Variants in KALRN observed in about 807,000 individuals in gnomAD.
The protein encoded by KALRN is kalirin RhoGEF kinase.
Under a neutral mutation model 353.7 loss-of-function variants are expected in KALRN, and 70 were observed. That is an observed-to-expected ratio of 0.20 (90% CI 0.16 to 0.24). The LOEUF (loss-of-function observed/expected upper bound fraction) is 0.24, where lower values mean the gene tolerates loss of function less well. Ranked by LOEUF, KALRN falls within the 10% of genes least tolerant of loss-of-function variation. The pLI, the probability that KALRN is intolerant of heterozygous loss-of-function variation, is 1.00. For missense variants in KALRN, 2,791 were observed against 3,756.7 expected (o/e 0.74, Z 6.72); for synonymous variants, 1,391 against 1,434.8 (o/e 0.97, Z 0.69).
chr3:124,723,161 G>A lies in KALRN; in HGVS notation c.*3691G>A, dbSNP rs1234162992. 6.6e-6 allele frequency: 1 copy of A among 152,182 alleles called. No homozygotes were observed. Among genetic ancestry groups the A allele is most frequent in the Non-Finnish European group, 1.5e-5 (1 of 68,028 alleles). The allele number at this position is 152,182 out of a possible 1,614,324, so 9.4% of individuals were successfully genotyped here. A position where few individuals can be genotyped will look rare whatever the true frequency, so the allele number is the denominator to read the frequency against. On this transcript the variant is annotated 3_prime_UTR_variant, in exon 60 of 60. Transcript: ENST00000682506. ...GCTTCACTGCTTTGTGGTCCACAAAGCCTTTATAAATAGTAGTGCCTTTCA... is the reference window on the plus strand; with the variant it reads ...GCTTCACTGCTTTGTGGTCCACAAAACCTTTATAAATAGTAGTGCCTTTCA...
chr3:124,427,798 G>A (rs1054127464), intron 15 of KALRN, among the ~76,000 whole-genome samples: 2 of 152,232 alleles, frequency 1.3e-5, no homozygotes, highest in Non-Finnish European at 2.9e-5. Context: ...AGTTTTGAAA[G>A]TAGTGTGGAA....
chr3:124,334,361 G>A lies in KALRN; in HGVS notation c.1513G>A (p.Ala505Thr). ...SLTATANYSK[A>T]VHQVLDVVHE... is the part of the protein sequence containing the mutation. Reference sequence around the variant, plus strand: ...CACGGCCACAGCCAACTACTCCAAGGCAGTGCACCAGGTGCTGGACGTGGT... The same window carrying A: ...CACGGCCACAGCCAACTACTCCAAGACAGTGCACCAGGTGCTGGACGTGGT... The change falls in exon 9 of 60, where the codon GCA becomes ACA. Residue 505 changes from alanine to threonine, a missense_variant. Physicochemically the swap from Ala to Thr is moderately conservative, Grantham distance 58. Coordinates refer to ENST00000682506, the MANE Select transcript of KALRN (RefSeq NM_001388419.1). This position sits in a 1 kb window ranked among gnomAD's most constrained non-coding sequence, Gnocchi z 4.2. The A allele has an allele frequency of 1.9e-6, 3 of 1,614,248 alleles. No individual in the cohort carries two copies. Among genetic ancestry groups the A allele is most frequent in the Non-Finnish European group, 2.5e-6 (3 of 1,180,034 alleles).
intron 5 of KALRN, among the ~76,000 whole-genome samples, chr3:124,287,716 A>C (rs2076037091): frequency 7.9e-6 from 1 of 126,378 alleles, no homozygotes; most frequent in Non-Finnish European, 1.7e-5. Flanking sequence ...AAGTATATTG[A>C]GGTTACCTGG....
At chr3:124,132,590 G>A (rs570140984) in intron 1 of KALRN, among the ~76,000 whole-genome samples, 6 of 152,270 alleles carry the variant, frequency 3.9e-5, no homozygotes, top group African/African-American at 1.4e-4. Context: ...TTTTACACAC[G>A]GCAGGACTTG....
chr3:124,415,080 G>A (rs148074535), intron 14 of KALRN, among the ~76,000 whole-genome samples: 416 of 152,364 alleles, frequency 2.7e-3, no homozygotes, highest in Non-Finnish European at 4.1e-3. Flanking sequence ...GCTGTGAACA[G>A]ACTGCCTCTG....
intron 1 of KALRN, among the ~76,000 whole-genome samples, chr3:124,102,543 G>A (rs886665334): frequency 3.1e-4 from 47 of 152,298 alleles, no homozygotes; most frequent in African/African-American, 1.1e-3. Context: ...ACATACCTCA[G>A]GAGGTTGTTG....
intron 33 of KALRN, among the ~76,000 whole-genome samples, chr3:124,560,561 G>T: frequency 6.6e-6 from 1 of 152,318 alleles, no homozygotes; most frequent in Middle Eastern, 3.4e-3. Flanking sequence ...AGTGTTCCCT[G>T]GTCAAAATAT....
intron 1 of KALRN, among the ~76,000 whole-genome samples, chr3:124,046,212 A>G (rs1484620261): frequency 6.6e-6 from 1 of 152,190 alleles, no homozygotes; most frequent in Non-Finnish European, 1.5e-5. Flanking sequence ...TCATAGGAAG[A>G]GACAATGGTA....
rs140272959 is a variant in KALRN, at chr3:124,160,535, A to G, written c.74-67455A>G. Among the ~76,000 whole-genome samples the G allele has an allele frequency of 9.9e-5, 15 of 152,048 alleles. No homozygotes were observed. The East Asian group carries it at 1.5e-3, about 16-fold the overall frequency. ...AGGAAAGGAAGTGTGAAATGACCCA[A>G]TTGGTTTTTTGCAATGAATGATGTG... On this transcript the variant is annotated intron_variant, in intron 1 of 59. Transcript: ENST00000682506.
chr3:124,458,173 G>A (rs2059511279), intron 23 of KALRN, among the ~76,000 whole-genome samples: 1 of 151,630 alleles, frequency 6.6e-6, no homozygotes, highest in African/African-American at 2.4e-5. Context: ...CTACCTGGGA[G>A]GCTGAGGCAG....
At chr3:124,051,510 A>G (rs2041044327) in intron 1 of KALRN, among the ~76,000 whole-genome samples, 1 of 152,210 alleles carries the variant, frequency 6.6e-6, no homozygotes, top group African/African-American at 2.4e-5. Context: ...TATAGCAAGG[A>G]TGTGGTAAAT....
At chr3:124,064,807 A>G (rs201211410) in intron 1 of KALRN, among the ~76,000 whole-genome samples, 1 of 152,150 alleles carries the variant, frequency 6.6e-6, no homozygotes, top group East Asian at 1.9e-4. Context: ...ATACCCCTTG[A>G]GCTACACACA....
chr3:124,184,151 G>A (rs770474920), intron 1 of KALRN, among the ~76,000 whole-genome samples: 1 of 152,212 alleles, frequency 6.6e-6, no homozygotes, highest in Non-Finnish European at 1.5e-5. Context: ...CATAGTGTGA[G>A]CACTTTGGCT....
intron 50 of KALRN, 43 bp downstream of exon 50, chr3:124,678,356 C>T (rs1559836431): frequency 6.2e-7 from 1 of 1,605,284 alleles, no homozygotes; most frequent in Non-Finnish European, 8.5e-7. Context: ...CTGTCATCCA[C>T]TCCCACCCTG....
At chr3:124,498,664 C>A (rs369884349) in intron 33 of KALRN, among the ~76,000 whole-genome samples, 4 of 152,272 alleles carry the variant, frequency 2.6e-5, no homozygotes, top group South Asian at 4.1e-4. Flanking sequence ...TGTGTGTACA[C>A]AAAACCTAGA....
intron 3 of KALRN, among the ~76,000 whole-genome samples, chr3:124,237,380 T>TTTTTTTTTA (rs2079912545): frequency 6.6e-6 from 1 of 151,546 alleles, no homozygotes; most frequent in South Asian, 2.1e-4. Context: ...TTTTTTTTTT[T>TTTTTTTTTA]GAGACTGAGT....
At chr3:124,619,710 C>T (rs763337440) in intron 34 of KALRN, among the ~76,000 whole-genome samples, 8 of 152,076 alleles carry the variant, frequency 5.3e-5, no homozygotes, top group Non-Finnish European at 8.8e-5. Context: ...TGGTCTTGAA[C>T]TCCTAAGCTC....
Position 124,488,266 on chromosome 3 carries a change from C to T in KALRN, c.4347C>T (p.Leu1449=). The change falls in exon 29 of 60, where the codon CTC becomes CTT. Residue 1449 remains leucine, a synonymous_variant. Transcript: ENST00000682506. ...GELKDGLEVM[L]SVPKKANDAM... Reference sequence around the variant, plus strand: ...TCAAGGATGGCCTGGAGGTGATGCTCAGTGTCCCAAAGAAAGCCAATGATG... The same window carrying T: ...TCAAGGATGGCCTGGAGGTGATGCTTAGTGTCCCAAAGAAAGCCAATGATG... The T allele has an allele frequency of 1.2e-6, 2 of 1,613,902 alleles. No homozygotes were observed. Among genetic ancestry groups the T allele is most frequent in the Non-Finnish European group, 8.5e-7 (1 of 1,179,872 alleles).
chr3:124,210,765 G>A (rs1013440058), intron 1 of KALRN, among the ~76,000 whole-genome samples: 2 of 152,128 alleles, frequency 1.3e-5, no homozygotes, highest in African/African-American at 4.8e-5. Context: ...GGCCCCAGTT[G>A]GATGGTGAAT....
Sources: allele counts gnomAD v4.1 joint callset (sites outside exome capture counted in the v4.1 genomes callset), GRCh38; gene constraint gnomAD v4.1.1; non-coding constraint Gnocchi (gnomAD v3.1); transcripts MANE v1.5; gene names NCBI Gene and HGNC (gene_info 2026-07-23, HGNC 2026-07-21).